The following FER variants were observed in gnomAD, a reference collection of about 807,000 sequenced individuals.
The protein encoded by FER is FER tyrosine kinase, also known as tyrosine-protein kinase Fer.
FER carries 63 observed loss-of-function variants against 111.0 expected under a neutral mutation model. The ratio of observed to expected loss-of-function variants is 0.57; its 90% confidence interval spans 0.46 to 0.70. The LOEUF is 0.70. Among genes scored for constraint, FER ranks in the 30% least tolerant of loss-of-function variants. The pLI is 0.00. For synonymous variants in FER, 327 were observed against 313.9 expected (o/e 1.04, Z -0.44); for missense variants, 914 against 954.0 (o/e 0.96, Z 0.55).
intron 2 of FER, among the ~76,000 whole-genome samples, chr5:108,795,971 G>A (rs1755971927): frequency 6.6e-6 from 1 of 152,146 alleles, no homozygotes; most frequent in South Asian, 2.1e-4. Flanking sequence ...GTATTTATTA[G>A]ATATTTATTG....
chr5:108,911,535 C>T (rs540044015), intron 10 of FER, among the ~76,000 whole-genome samples: 120 of 152,160 alleles, frequency 7.9e-4, no homozygotes, highest in African/African-American at 2.6e-3. Flanking sequence ...ATAAATTCTT[C>T]GTGTAGGCCA....
chr5:108,841,241 T>C (rs1185942826), intron 5 of FER, among the ~76,000 whole-genome samples: 2 of 151,978 alleles, frequency 1.3e-5, no homozygotes, highest in Admixed American at 6.5e-5. Context: ...CGCATTTCAG[T>C]TAGAAGTGTT....
chr5:109,053,757 C>A (rs1253936903), intron 16 of FER, among the ~76,000 whole-genome samples: 1 of 137,650 alleles, frequency 7.3e-6, no homozygotes, highest in Non-Finnish European at 1.5e-5. Context: ...GTGGTGCGAT[C>A]TTGGCTCACT....
intron 17 of FER, among the ~76,000 whole-genome samples, chr5:109,159,232 T>G (rs190741928): frequency 7.3e-4 from 111 of 152,332 alleles, no homozygotes; most frequent in African/African-American, 2.4e-3. Context: ...TATTTTCAAC[T>G]TTTAAAATAG....
chr5:109,152,390 C>T (rs1451896278), intron 17 of FER, among the ~76,000 whole-genome samples: 1 of 151,814 alleles, frequency 6.6e-6, no homozygotes. Flanking sequence ...CATTTGCCTA[C>T]CCAGAGGGGA....
At chr5:108,952,771 T>A (rs951350600) in intron 11 of FER, among the ~76,000 whole-genome samples, 6 of 152,132 alleles carry the variant, frequency 3.9e-5, no homozygotes, top group African/African-American at 1.4e-4. Flanking sequence ...TGAGCTTTTG[T>A]ACTTTTTTCC....
chr5:109,114,430 C>G (rs1749991456), intron 17 of FER, among the ~76,000 whole-genome samples: 1 of 151,962 alleles, frequency 6.6e-6, no homozygotes, highest in South Asian at 2.1e-4. Flanking sequence ...ATGCTAATAT[C>G]AAGACCTCAT....
chr5:108,832,242 A>C (rs904048132), intron 3 of FER, among the ~76,000 whole-genome samples: 9 of 152,172 alleles, frequency 5.9e-5, no homozygotes, highest in African/African-American at 2.2e-4. Context: ...ATTGAAAAGG[A>C]AATTTTAGAA....
chr5:109,083,714 A>T (rs1215562338), intron 16 of FER, among the ~76,000 whole-genome samples: 1 of 151,976 alleles, frequency 6.6e-6, no homozygotes, highest in African/African-American at 2.4e-5. Flanking sequence ...TTTCTCAGGG[A>T]TGTATCTTTA....
rs1286917407 is a variant in FER at position 108,921,241 on chromosome 5, G to A, written c.1236+23393G>A. Among the ~76,000 whole-genome samples the A allele has an allele frequency of 3.9e-5, 6 of 152,008 alleles. No individual in the cohort carries two copies. The East Asian group carries it at 1.2e-3, about 29-fold the overall frequency. ...TACTACAATTATTACTATTTTGTTGGTTAGAATTTACTCTGTGGTAGGTTA... is the reference window on the plus strand; with the variant it reads ...TACTACAATTATTACTATTTTGTTGATTAGAATTTACTCTGTGGTAGGTTA... On this transcript the variant is annotated intron_variant, in intron 10 of 19. Coordinates refer to ENST00000281092, the MANE Select transcript of FER (RefSeq NM_005246.4).
intron 13 of FER, among the ~76,000 whole-genome samples, chr5:109,003,095 G>A (rs1765018145): frequency 6.6e-6 from 1 of 152,134 alleles, no homozygotes; most frequent in African/African-American, 2.4e-5. Context: ...AATACCATTT[G>A]ACCCAGCCAT....
At chr5:109,127,873 A>G (rs1266496163) in intron 17 of FER, among the ~76,000 whole-genome samples, 1 of 152,170 alleles carries the variant, frequency 6.6e-6, no homozygotes, top group Non-Finnish European at 1.5e-5. Flanking sequence ...TGTGTTCTGT[A>G]ATTAAAAGTT....
chr5:108,872,149 A>G lies in FER; in HGVS notation c.860A>G (p.Asn287Ser). 1.9e-6 allele frequency: 3 copies of G among 1,611,946 alleles called. No homozygotes were observed. The highest frequency in any genetic ancestry group is 1.3e-5 in the African/African-American group (1 of 74,984). Residue 287 changes from asparagine to serine, a missense_variant, in exon 8 of 20, where the codon AAT becomes AGT. Around this residue, in one of 3 missense-constraint regions of FER, gnomAD observed 774 missense variants for 782.6 expected, o/e 0.99. Coordinates refer to ENST00000281092, the MANE Select transcript of FER (RefSeq NM_005246.4). ...IEFDTSLLEE[N>S]ENLQANEIMW... ...TTTGATACTTCCTTACTGGAAGAAA[A>G]TGAAAATCTTCAGGCAAATGAGATC...
chr5:109,060,590 A>G (rs2149962732), intron 16 of FER, among the ~76,000 whole-genome samples: 1 of 152,254 alleles, frequency 6.6e-6, no homozygotes, highest in African/African-American at 2.4e-5. Context: ...AGGCTGAGGC[A>G]GAAGAATTGC....
intron 13 of FER, among the ~76,000 whole-genome samples, chr5:108,964,664 A>C (rs1759573109): frequency 6.6e-6 from 1 of 152,214 alleles, no homozygotes; most frequent in Non-Finnish European, 1.5e-5. Flanking sequence ...TCTTTGTATA[A>C]TTTAAGAAAT....
chr5:109,005,988 T>TTTTAAA (rs1346227841), intron 13 of FER, among the ~76,000 whole-genome samples: 1 of 152,226 alleles, frequency 6.6e-6, no homozygotes, highest in Admixed American at 6.5e-5. Flanking sequence ...TTAAAATATT[T>TTTTAAA]ATTGTTTTTA....
At position 109,193,531 on chromosome 5, in the gene FER, T is replaced by A. The variant is rs955641573; in HGVS notation, c.*5956T>A. ...ACTGAGGCCAGCAAGATGCAAGTGTTCTACAAAATAATGAACTGTTCTAAG... is the reference window on the plus strand; with the variant it reads ...ACTGAGGCCAGCAAGATGCAAGTGTACTACAAAATAATGAACTGTTCTAAG... On this transcript the variant is annotated 3_prime_UTR_variant, in exon 20 of 20. Transcript: ENST00000281092. 2 of 152,204 alleles carry A rather than the reference T, an allele frequency of 1.3e-5. No individual in the cohort carries two copies. Among genetic ancestry groups the A allele is most frequent in the African/African-American group, 2.4e-5 (1 of 41,448 alleles). The allele number at this position is 152,204 out of a possible 1,614,324, so 9.4% of individuals were successfully genotyped here.
chr5:108,884,523 G>T (rs60255630), intron 9 of FER, among the ~76,000 whole-genome samples: 46,492 of 145,094 alleles, frequency 0.32, 8,030 homozygotes, highest in African/African-American at 0.46. Context: ...TTTTTTTTTT[G>T]TTTGTTTGTT....
At chr5:109,174,944 G>A (rs1038296069) in intron 17 of FER, among the ~76,000 whole-genome samples, 25 of 152,176 alleles carry the variant, frequency 1.6e-4, no homozygotes, top group African/African-American at 5.8e-4. Flanking sequence ...CCTTGGGCAA[G>A]TTGATTAGCT....
Sources: allele counts gnomAD v4.1 joint callset (sites outside exome capture counted in the v4.1 genomes callset), GRCh38; gene constraint gnomAD v4.1.1; regional missense constraint gnomAD v4.1.1; transcripts MANE v1.5; gene names NCBI Gene and HGNC (gene_info 2026-07-23, HGNC 2026-07-21).